SKA3: variants seen among roughly 807,000 people sequenced by gnomAD.
SKA3 encodes the protein spindle and kinetochore-associated protein 3.
A neutral mutation model predicts 44.2 loss-of-function variants in SKA3; 39 were observed. The observed-to-expected ratio is 0.88, with a 90% CI of 0.68 to 1.15. The LOEUF is 1.15. Ranked by LOEUF, SKA3 falls within the 50% of genes most tolerant of loss-of-function variation. The pLI, the probability that SKA3 is intolerant of heterozygous loss-of-function variation, is 0.00. For synonymous variants in SKA3, 192 were observed against 172.0 expected (o/e 1.12, Z -0.91); for missense variants, 511 against 485.8 (o/e 1.05, Z -0.49).
chr13:21,168,781 G>GC (rs1292011011), intron 3 of SKA3, among the ~76,000 whole-genome samples: 4 of 152,046 alleles, frequency 2.6e-5, no homozygotes, highest in African/African-American at 9.7e-5. Flanking sequence ...TCCTGCCTTG[G>GC]CCCCCCAAAG....
chr13:21,167,790 AC>A (rs1273102467), intron 4 of SKA3, among the ~76,000 whole-genome samples, 197 bp downstream of exon 4: 2 of 151,074 alleles, frequency 1.3e-5, no homozygotes, highest in African/African-American at 4.9e-5. Context: ...AAAAAAAAAA[AC>A]CAAAAAAAAA....
intron 8 of SKA3, 31 bp downstream of exon 8, chr13:21,155,662 T>C: frequency 2.1e-6 from 2 of 952,580 alleles, no homozygotes; most frequent in Non-Finnish European, 3.0e-6. Flanking sequence ...AAATAACACA[T>C]GAACTTTCTT....
Position 21,154,371 on chromosome 13 carries a change from G to T in SKA3, c.*779C>A, listed in dbSNP as rs1376080472. 1 of 152,616 alleles carries T rather than the reference G, an allele frequency of 6.6e-6. No homozygotes were observed. The allele number at this position is 152,616 out of a possible 1,614,324, so 9.5% of individuals were successfully genotyped here. ...CGTGGCCATAGCTAACAGTGCACAG[G>T]AGGGCCCCTGGCCCAGGATGAGCCC... On this transcript the variant is annotated 3_prime_UTR_variant, in exon 9 of 9. Coordinates refer to ENST00000314759, the MANE Select transcript of SKA3 (RefSeq NM_145061.6).
At position 21,172,628 on chromosome 13, in the gene SKA3, T is replaced by C; in HGVS notation, c.157A>G (p.Thr53Ala). Residue 53 changes from threonine to alanine, a missense_variant, in exon 2 of 9, where the codon ACT (threonine) becomes GCT (alanine). Physicochemically the swap from Thr to Ala is moderately conservative, Grantham distance 58. Coordinates refer to ENST00000314759, the MANE Select transcript of SKA3 (RefSeq NM_145061.6). ...TATTGTAGGAGTGATACCTTTAGAG[T>C]CTGAACTTCTGAATGAAGGTCATAT... Reference protein sequence around the residue: ...ILYDLHSEVQTLKDDVNILLD... With the variant: ...ILYDLHSEVQALKDDVNILLD... 6.3e-7 allele frequency: 1 copy of C among 1,584,118 alleles called. No homozygotes were observed. The highest frequency in any genetic ancestry group is 8.6e-7 in the Non-Finnish European group (1 of 1,163,016).
intron 3 of SKA3, among the ~76,000 whole-genome samples, chr13:21,170,891 G>A (rs1447102566): frequency 6.7e-6 from 1 of 149,790 alleles, no homozygotes; most frequent in Non-Finnish European, 1.5e-5. Flanking sequence ...GGGGGGTGGT[G>A]GTGGTGGTAT....
rs974946704 is a variant in SKA3, at chr13:21,153,651, T to G, written c.*1499A>C. On this transcript the variant is annotated 3_prime_UTR_variant, in exon 9 of 9. Coordinates refer to ENST00000314759, the MANE Select transcript of SKA3 (RefSeq NM_145061.6). ...TCAGCAATATTCACAGAATCATCAC[T>G]CTCCTTGAAATACTTTCTTCCTACT... 3 of 152,262 alleles carry G rather than the reference T, an allele frequency of 2.0e-5. No homozygotes were observed. 9.4% of individuals were successfully genotyped at this position (152,262 alleles called of 1,614,324 possible).
intron 3 of SKA3, among the ~76,000 whole-genome samples, chr13:21,170,500 G>A (rs1870979214): frequency 6.6e-6 from 1 of 152,016 alleles, no homozygotes; most frequent in African/African-American, 2.4e-5. Context: ...TTTCTTGTTT[G>A]TTTGTTTTGT....
chr13:21,161,880 TGTGA>T lies in SKA3; in HGVS notation c.744-9_744-6del. The T allele has an allele frequency of 6.3e-7, 1 of 1,597,288 alleles. No homozygotes were observed. Among genetic ancestry groups the T allele is most frequent in the Non-Finnish European group, 8.5e-7 (1 of 1,169,606 alleles). On this transcript the variant is annotated splice_region_variant and splice_polypyrimidine_tract_variant and intron_variant, in intron 4 of 8. Coordinates refer to ENST00000314759, the MANE Select transcript of SKA3 (RefSeq NM_145061.6). ...TCTGTATCTATGGCCTCCTCACTGGTGTGATTCATAGGGAAATTACAAGGTTAAA... is the reference window on the plus strand; with the variant it reads ...TCTGTATCTATGGCCTCCTCACTGGTTTCATAGGGAAATTACAAGGTTAAA...
chr13:21,176,349 G>T lies in SKA3; in HGVS notation c.103+26C>A, dbSNP rs895573756. The T allele has an allele frequency of 2.5e-6, 3 of 1,210,920 alleles. No homozygotes were observed. The African/African-American group carries it at 4.5e-5, about 18-fold the overall frequency. The allele number at this position is 1,210,920 out of a possible 1,614,324, so 75.0% of individuals were successfully genotyped here. A position where few individuals can be genotyped will look rare whatever the true frequency, so the allele number is the denominator to read the frequency against. On this transcript the variant is annotated intron_variant, in intron 1 of 8. Transcript: ENST00000314759. ...CCGCCCGCGGCGCACCCCACGCACCGTGCCCTGGCCGCCCGCCTCACGCAC... is the reference window on the plus strand; with the variant it reads ...CCGCCCGCGGCGCACCCCACGCACCTTGCCCTGGCCGCCCGCCTCACGCAC...
At chr13:21,166,606 T>A (rs3930249) in intron 4 of SKA3, among the ~76,000 whole-genome samples, 5 of 152,104 alleles carry the variant, frequency 3.3e-5, no homozygotes, top group African/African-American at 1.2e-4. Context: ...TAGTGGTGTG[T>A]GCCTGCAATT....
chr13:21,160,112 A>C lies in SKA3; in HGVS notation c.830-125T>G, dbSNP rs781698493. The C allele has an allele frequency of 5.4e-5, 31 of 575,908 alleles. No individual in the cohort carries two copies. The South Asian group carries it at 8.8e-4, about 16-fold the overall frequency. The allele number at this position is 575,908 out of a possible 1,614,324, so 35.7% of individuals were successfully genotyped here. The stretch of plus-strand genomic sequence containing the variant: ...ACTACTAAAATTCAGCAAGGATGCA[A>C]GAGTAATACACAATAACAAATAGTT... On this transcript the variant is annotated intron_variant, in intron 5 of 8. Coordinates refer to ENST00000314759, the MANE Select transcript of SKA3 (RefSeq NM_145061.6).
chr13:21,155,231 T>C (rs1870045426), intron 8 of SKA3, 81 bp from the exon 9 acceptor site: 1 of 1,149,348 alleles, frequency 8.7e-7, no homozygotes, highest in Non-Finnish European at 1.3e-6. Context: ...TGTGGCTATA[T>C]ATTTTACACT....
intron 3 of SKA3, among the ~76,000 whole-genome samples, 159 bp from the exon 4 acceptor site, chr13:21,168,558 G>A (rs1297720022): frequency 2.0e-5 from 3 of 152,164 alleles, no homozygotes; most frequent in South Asian, 4.1e-4. Context: ...ACAGGGTCTC[G>A]CTCTGCCACC....
intron 6 of SKA3, among the ~76,000 whole-genome samples, chr13:21,159,641 G>T (rs975896024): frequency 2.0e-5 from 3 of 152,086 alleles, no homozygotes; most frequent in African/African-American, 7.2e-5. Context: ...AAATAATGCT[G>T]TTCCTTACTC....
chr13:21,164,149 C>A (rs150685835), intron 4 of SKA3, among the ~76,000 whole-genome samples: 2 of 152,124 alleles, frequency 1.3e-5, no homozygotes, highest in African/African-American at 2.4e-5. Flanking sequence ...GTTTTTAAAA[C>A]CTGTTATGTA....
chr13:21,154,971 T>C lies in SKA3; in HGVS notation c.*179A>G. ...GGGCTACATGTCAACAAGACTAAGGTTAAACCTTATTGAAACTTCATAAAA... is the reference window on the plus strand; with the variant it reads ...GGGCTACATGTCAACAAGACTAAGGCTAAACCTTATTGAAACTTCATAAAA... On this transcript the variant is annotated 3_prime_UTR_variant, in exon 9 of 9. Coordinates refer to ENST00000314759, the MANE Select transcript of SKA3 (RefSeq NM_145061.6). The C allele has an allele frequency of 9.5e-7, 1 of 1,055,786 alleles. No homozygotes were observed. Among genetic ancestry groups the C allele is most frequent in the Non-Finnish European group, 1.4e-6 (1 of 714,848 alleles). The allele number at this position is 1,055,786 out of a possible 1,614,324, so 65.4% of individuals were successfully genotyped here. A position where few individuals can be genotyped will look rare whatever the true frequency, so the allele number is the denominator to read the frequency against.
rs551452436 is a variant in SKA3 at position 21,154,953 on chromosome 13, A to G, written c.*197T>C. 2.0e-4 allele frequency: 172 copies of G among 839,366 alleles called. No homozygotes were observed. The East Asian group carries it at 4.3e-3, about 21-fold the overall frequency. 52.0% of individuals were successfully genotyped at this position (839,366 alleles called of 1,614,324 possible). On this transcript the variant is annotated 3_prime_UTR_variant, in exon 9 of 9. Coordinates refer to ENST00000314759, the MANE Select transcript of SKA3 (RefSeq NM_145061.6). ...CTTAAAGAGTGAATGACTGGGCTACATGTCAACAAGACTAAGGTTAAACCT... is the reference window on the plus strand; with the variant it reads ...CTTAAAGAGTGAATGACTGGGCTACGTGTCAACAAGACTAAGGTTAAACCT...
At chr13:21,171,302 C>T (rs973217337) in intron 3 of SKA3, among the ~76,000 whole-genome samples, 5 of 152,150 alleles carry the variant, frequency 3.3e-5, no homozygotes, top group Non-Finnish European at 7.4e-5. Flanking sequence ...CTGGGCCAGG[C>T]GCTGTGGCTC....
Position 21,161,835 on chromosome 13 carries a change from CATT to C in SKA3, c.781_783del (p.Asn261del). On this transcript the variant is annotated inframe_deletion, in exon 5 of 9. Transcript: ENST00000314759. ...ATGATGGGGCTGGGAGTGGCAAAAA[CATT>C]ATCATTGAGCCTGGATTCTGTATCT... 1 of 1,612,408 alleles carries C rather than the reference CATT, an allele frequency of 6.2e-7. No homozygotes were observed. Among genetic ancestry groups the C allele is most frequent in the Non-Finnish European group, 8.5e-7 (1 of 1,178,992 alleles).
Sources: allele counts gnomAD v4.1 joint callset (sites outside exome capture counted in the v4.1 genomes callset), GRCh38; gene constraint gnomAD v4.1.1; transcripts MANE v1.5; gene names NCBI Gene and HGNC (gene_info 2026-07-23, HGNC 2026-07-21).